The following IL1RAPL2 variants were observed in gnomAD, a reference collection of about 807,000 sequenced individuals.
IL1RAPL2 encodes the protein interleukin 1 receptor accessory protein like 2.
In IL1RAPL2, 3 loss-of-function variants were observed where a neutral mutation model predicts 44.1. That is an observed-to-expected ratio of 0.07 (90% confidence interval 0.03 to 0.18). The LOEUF is 0.18. Among genes scored for constraint, IL1RAPL2 ranks in the 10% least tolerant of loss-of-function variants. The probability of loss-of-function intolerance (pLI) is 1.00; values close to 1 mark genes in which losing one functional copy is unlikely to be tolerated. For synonymous variants in IL1RAPL2, 181 were observed against 178.8 expected (o/e 1.01, Z -0.10); for missense variants, 391 against 496.4 (o/e 0.79, Z 2.02).
intron 9 of IL1RAPL2, 43 bp from the exon 10 acceptor site, chrX:105,755,134 C>T (rs752923199): frequency 2.7e-5 from 25 of 918,044 alleles, no homozygotes; most frequent in Non-Finnish European, 3.6e-5. Flanking sequence ...TCAAAGAGAA[C>T]CTGTTAATAG....
intron 2 of IL1RAPL2, among the ~76,000 whole-genome samples, chrX:104,832,949 C>G (rs972619308): frequency 5.4e-5 from 6 of 111,102 alleles, no homozygotes; most frequent in Admixed American, 9.7e-5. Flanking sequence ...TAAATTTACA[C>G]TTAGGATATT....
At chrX:104,820,656 T>C (rs1479423256) in intron 2 of IL1RAPL2, among the ~76,000 whole-genome samples, 8 of 112,104 alleles carry the variant, frequency 7.1e-5, no homozygotes, top group Non-Finnish European at 1.5e-4. Context: ...AAAAGAATAC[T>C]GTGCTTAATG....
At chrX:105,749,882 T>A (rs971219743) in intron 9 of IL1RAPL2, among the ~76,000 whole-genome samples, 1 of 112,056 alleles carries the variant, frequency 8.9e-6, no homozygotes, top group Non-Finnish European at 1.9e-5. Flanking sequence ...ATCCCGAAAC[T>A]GCTGTAAGCC....
intron 1 of IL1RAPL2, among the ~76,000 whole-genome samples, chrX:104,623,961 G>C (rs1929448130): frequency 9.0e-6 from 1 of 111,611 alleles, no homozygotes; most frequent in Admixed American, 9.6e-5. Flanking sequence ...AGTAATGAGA[G>C]AAACAAGAGA....
intron 2 of IL1RAPL2, among the ~76,000 whole-genome samples, chrX:105,037,775 C>T (rs1218770507): frequency 2.7e-5 from 3 of 111,912 alleles, no homozygotes; most frequent in Non-Finnish European, 3.8e-5. Context: ...AAATGCAACT[C>T]ATCAAGCTCT....
At chrX:104,735,065 T>A (rs1282776961) in intron 2 of IL1RAPL2, among the ~76,000 whole-genome samples, 2 of 111,968 alleles carry the variant, frequency 1.8e-5, no homozygotes, top group East Asian at 2.8e-4. Flanking sequence ...TGCTTTTGAT[T>A]ACCATTTATA....
At chrX:104,604,578 C>T (rs1228557132) in intron 1 of IL1RAPL2, among the ~76,000 whole-genome samples, 1 of 89,162 alleles carries the variant, frequency 1.1e-5, no homozygotes, top group Non-Finnish European at 2.1e-5. Flanking sequence ...TGTGCAAAGA[C>T]ACACATAGGC....
At chrX:105,339,416 T>C (rs1311375463) in intron 5 of IL1RAPL2, among the ~76,000 whole-genome samples, 2 of 111,909 alleles carry the variant, frequency 1.8e-5, no homozygotes, top group African/African-American at 6.5e-5. Flanking sequence ...ATCTCATAGT[T>C]AATAATATAT....
chrX:104,611,432 T>C (rs1929156182), intron 1 of IL1RAPL2, among the ~76,000 whole-genome samples: 1 of 110,968 alleles, frequency 9.0e-6, no homozygotes, highest in Non-Finnish European at 1.9e-5. Flanking sequence ...TCCTGGCAGC[T>C]TTCTTTACAC....
chrX:105,037,946 G>A (rs1399227225), intron 2 of IL1RAPL2, among the ~76,000 whole-genome samples: 1 of 111,766 alleles, frequency 8.9e-6, no homozygotes, highest in African/African-American at 3.3e-5. Flanking sequence ...GTCCAATTAA[G>A]CCCAATCCTT....
chrX:104,582,596 T>TTTTCTTTC (rs201257788), intron 1 of IL1RAPL2, among the ~76,000 whole-genome samples: 1,739 of 52,110 alleles, frequency 0.033, 39 homozygotes, highest in Middle Eastern at 0.067. Context: ...CTTTCTTTCT[T>TTTTCTTTC]TTTCTTTCTT....
chrX:104,817,867 G>GAT (rs1222411411), intron 2 of IL1RAPL2, among the ~76,000 whole-genome samples: 1 of 111,097 alleles, frequency 9.0e-6, no homozygotes, highest in Non-Finnish European at 1.9e-5. Flanking sequence ...ATAAAAAGAT[G>GAT]ATATATATAG....
intron 1 of IL1RAPL2, among the ~76,000 whole-genome samples, chrX:104,601,372 TG>T (rs929306086): frequency 2.8e-5 from 3 of 109,012 alleles, no homozygotes; most frequent in African/African-American, 1.0e-4. Flanking sequence ...TGAGAACATG[TG>T]GTGTTTGGTT....
intron 6 of IL1RAPL2, among the ~76,000 whole-genome samples, chrX:105,636,534 G>C (rs1035926018): frequency 9.9e-5 from 11 of 111,166 alleles, no homozygotes; most frequent in African/African-American, 3.6e-4. Context: ...CCCACCCCAG[G>C]TGACCCTTAG....
intron 2 of IL1RAPL2, among the ~76,000 whole-genome samples, chrX:104,914,807 C>T (rs993624496): frequency 4.5e-4 from 49 of 110,021 alleles, no homozygotes; most frequent in East Asian, 8.7e-4. Context: ...TGAGTGAGAA[C>T]ATGCGGTGTT....
At chrX:105,460,252 G>T (rs912114371) in intron 5 of IL1RAPL2, among the ~76,000 whole-genome samples, 4 of 111,107 alleles carry the variant, frequency 3.6e-5, no homozygotes, top group Non-Finnish European at 5.7e-5. Flanking sequence ...TTTAATGAAG[G>T]AGACAAAAAC....
At chrX:105,122,262 A>G (rs2032933057) in intron 2 of IL1RAPL2, among the ~76,000 whole-genome samples, 1 of 111,806 alleles carries the variant, frequency 8.9e-6, no homozygotes, top group African/African-American at 3.2e-5. Flanking sequence ...AACAAATAAC[A>G]CAAGTTCTAC....
intron 5 of IL1RAPL2, among the ~76,000 whole-genome samples, chrX:105,303,784 A>T (rs921102267): frequency 8.9e-6 from 1 of 112,236 alleles, no homozygotes; most frequent in African/African-American, 3.2e-5. Flanking sequence ...TCTCCTTCCA[A>T]TTGGGGAAAA....
At chrX:104,917,484 TA>T (rs748236047) in intron 2 of IL1RAPL2, among the ~76,000 whole-genome samples, 8 of 111,324 alleles carry the variant, frequency 7.2e-5, no homozygotes, top group African/African-American at 9.8e-5. Context: ...AGATTTGATT[TA>T]AAAAAAACCT....
Sources: gnomAD v4.1 joint callset for allele counts (sites outside exome capture counted in the v4.1 genomes callset) on GRCh38, gnomAD v4.1.1 for gene constraint, MANE v1.5 for transcripts, NCBI Gene and HGNC (gene_info 2026-07-23, HGNC 2026-07-21) for gene names.